Variants in SAMSN1 observed in about 807,000 individuals in gnomAD.
SAMSN1 encodes SAM domain, SH3 domain and nuclear localization signals 1.
Under a neutral mutation model 42.0 loss-of-function variants are expected in SAMSN1, and 31 were observed. That is an observed-to-expected ratio of 0.74 (90% confidence interval 0.55 to 1.00). SAMSN1 has a LOEUF of 1.00. SAMSN1 is among the 50% of genes least tolerant of loss of function. The pLI is 0.00. For synonymous variants in SAMSN1, 178 were observed against 151.9 expected (o/e 1.17, Z -1.26); for missense variants, 464 against 439.4 (o/e 1.06, Z -0.50).
intron 7 of SAMSN1, among the ~76,000 whole-genome samples, chr21:14,493,995 C>T (rs945232481): frequency 6.6e-6 from 1 of 152,098 alleles, no homozygotes; most frequent in Admixed American, 6.5e-5. Context: ...TACTTCCCAC[C>T]AAGCAGTGAC....
At chr21:14,620,356 GTT>G (rs1568833564) in intron 2 of SAMSN1, among the ~76,000 whole-genome samples, 14 of 148,618 alleles carry the variant, frequency 9.4e-5, no homozygotes, top group Admixed American at 2.0e-4. Flanking sequence ...TTCATAAGTG[GTT>G]AACAGTTCCT....
intron 2 of SAMSN1, among the ~76,000 whole-genome samples, chr21:14,553,644 T>C (rs1202224367): frequency 6.6e-6 from 1 of 152,134 alleles, no homozygotes; most frequent in Non-Finnish European, 1.5e-5. Flanking sequence ...TTTTAGATCC[T>C]TCACATTTGA....
intron 2 of SAMSN1, among the ~76,000 whole-genome samples, chr21:14,580,188 G>T (rs969081427): frequency 2.0e-5 from 3 of 152,236 alleles, no homozygotes; most frequent in Non-Finnish European, 4.4e-5. Flanking sequence ...CCATCACACT[G>T]TCACAAAGAT....
At position 14,486,117 on chromosome 21, in the gene SAMSN1, G is replaced by A. The variant is rs781216314; in HGVS notation, c.920-3C>T. The A allele has an allele frequency of 6.2e-7, 1 of 1,608,996 alleles. No homozygotes were observed. Among genetic ancestry groups the A allele is most frequent in the Non-Finnish European group, 8.5e-7 (1 of 1,176,540 alleles). The stretch of plus-strand genomic sequence containing the variant: ...TTCATTTTCTTGCTCTTGAATAACT[G>A]TAAATGGAAAAAAAGGGCAGGAGTT... On this transcript the variant is annotated splice_polypyrimidine_tract_variant and splice_region_variant and intron_variant, in intron 7 of 7. Transcript: ENST00000400566.
At chr21:14,609,669 A>AT in intron 4 of SAMSN1, 2 of 690,726 alleles carry the variant, frequency 2.9e-6, no homozygotes, top group Non-Finnish European at 5.4e-6. Flanking sequence ...AGGATTTGCA[A>AT]CTTGGTAAGT....
intron 2 of SAMSN1, among the ~76,000 whole-genome samples, chr21:14,570,103 G>A (rs1031303568): frequency 6.6e-6 from 1 of 151,936 alleles, no homozygotes; most frequent in African/African-American, 2.4e-5. Flanking sequence ...GAGAAACTAA[G>A]TGCCCTTTGC....
rs752956606 is a variant in SAMSN1, at chr21:14,500,509, C to G, written c.768+20G>C. The stretch of plus-strand genomic sequence containing the variant: ...CCATTTACATGCTTCCAAAAGCAAA[C>G]AGAACACAGATTTGCTCACCTGCAG... On this transcript the variant is annotated intron_variant, in intron 6 of 7. Coordinates refer to ENST00000400566, the MANE Select transcript of SAMSN1 (RefSeq NM_022136.5). 3.7e-6 allele frequency: 6 copies of G among 1,606,578 alleles called. No individual in the cohort carries two copies. The South Asian group carries it at 5.5e-5, about 15-fold the overall frequency.
At chr21:14,572,366 A>G (rs893082648) in intron 2 of SAMSN1, among the ~76,000 whole-genome samples, 1 of 152,178 alleles carries the variant, frequency 6.6e-6, no homozygotes, top group African/African-American at 2.4e-5. Context: ...CACAGACAGT[A>G]AATGGTGAGG....
chr21:14,554,698 C>CTTT (rs34880996), intron 2 of SAMSN1, among the ~76,000 whole-genome samples: 3 of 130,518 alleles, frequency 2.3e-5, no homozygotes, highest in African/African-American at 8.6e-5. Flanking sequence ...TTTTCTTTTT[C>CTTT]TTTTTTTTTT....
chr21:14,562,789 C>G lies in SAMSN1; in HGVS notation c.261+19347G>C, dbSNP rs546931482. ...AAGCAAAAATCCTAAGAAGCATTCT[C>G]CAAGTAAGATCAATACTAAGGATAC... On this transcript the variant is annotated intron_variant, in intron 2 of 8. Coordinates refer to the SAMSN1 transcript ENST00000285670. 2.0e-5 allele frequency among the ~76,000 whole-genome samples: 3 copies of G among 152,150 alleles called. No individual in the cohort carries two copies. The South Asian group carries it at 6.2e-4, about 32-fold the overall frequency.
chr21:14,490,224 T>C (rs73344108), intron 7 of SAMSN1, among the ~76,000 whole-genome samples: 6,689 of 152,158 alleles, frequency 0.044, 518 homozygotes, highest in African/African-American at 0.15. Context: ...CAATAAATAA[T>C]TTTTTAATAA....
intron 2 of SAMSN1, among the ~76,000 whole-genome samples, chr21:14,628,247 A>G (rs1983233739): frequency 6.6e-6 from 1 of 152,140 alleles, no homozygotes; most frequent in Non-Finnish European, 1.5e-5. Flanking sequence ...TAACAATAAT[A>G]TATTATAGTT....
At chr21:14,592,554 A>G in intron 7 of SAMSN1, 1 of 288,238 alleles carries the variant, frequency 3.5e-6, no homozygotes. Flanking sequence ...GGATTGGATC[A>G]CAGGAATTCA....
At position 14,650,612 on chromosome 21, in the gene SAMSN1, G is replaced by T. The variant is rs13046305; in HGVS notation, c.25-7479C>A. ...AACTGCAAATGAACAACCCAACAAT[G>T]CATCCTAAGGAACTAGAAAAGTAAG... On this transcript the variant is annotated intron_variant, in intron 1 of 15. Transcript: ENST00000647101. Among the ~76,000 whole-genome samples the T allele has an allele frequency of 5.1e-3, 776 of 151,948 alleles. 5 individuals are homozygous for T. Among genetic ancestry groups the T allele is most frequent in the Non-Finnish European group, 7.8e-3 (529 of 67,918 alleles).
chr21:14,656,207 T>C (rs183266128), intron 1 of SAMSN1, among the ~76,000 whole-genome samples: 17 of 151,936 alleles, frequency 1.1e-4, no homozygotes, highest in Admixed American at 9.9e-4. Flanking sequence ...TTTGACAATA[T>C]GAACCTAAGT....
chr21:14,538,399 A>G (rs1365533798), intron 1 of SAMSN1, among the ~76,000 whole-genome samples: 1 of 152,184 alleles, frequency 6.6e-6, no homozygotes, highest in African/African-American at 2.4e-5. Flanking sequence ...ACTTGTGGAA[A>G]ATTTTTGCAT....
At chr21:14,488,708 A>G (rs1342323356) in intron 7 of SAMSN1, among the ~76,000 whole-genome samples, 1 of 152,186 alleles carries the variant, frequency 6.6e-6, no homozygotes, top group African/African-American at 2.4e-5. Flanking sequence ...GAAACCTTTC[A>G]TCTGCAATTT....
chr21:14,500,445 C>A, intron 6 of SAMSN1, 84 bp downstream of exon 6: 1 of 1,090,300 alleles, frequency 9.2e-7, no homozygotes, highest in South Asian at 1.4e-5. Flanking sequence ...TATTTTTAAG[C>A]AATGCAACAC....
chr21:14,511,234 G>A (rs1319590753), intron 4 of SAMSN1, among the ~76,000 whole-genome samples: 3 of 152,220 alleles, frequency 2.0e-5, no homozygotes, highest in Non-Finnish European at 4.4e-5. Context: ...CACATTGTAT[G>A]TGAACTGATG....
Sources: allele counts gnomAD v4.1 joint callset (sites outside exome capture counted in the v4.1 genomes callset), GRCh38; gene constraint gnomAD v4.1.1; transcripts MANE v1.5; gene names NCBI Gene and HGNC (gene_info 2026-07-23, HGNC 2026-07-21).